KIF26B: variants seen among roughly 807,000 people sequenced by gnomAD.
KIF26B encodes the protein kinesin family member 26B.
Under a neutral mutation model 151.2 loss-of-function variants are expected in KIF26B, and 63 were observed. The observed-to-expected ratio is 0.42, with a 90% CI of 0.34 to 0.51. KIF26B has a LOEUF of 0.51. Ranked by LOEUF, KIF26B falls within the 20% of genes least tolerant of loss-of-function variation. The pLI is 0.07. For synonymous variants in KIF26B, 1,357 were observed against 1,262.1 expected (o/e 1.08, Z -1.59); for missense variants, 2,813 against 2,913.6 (o/e 0.97, Z 0.79).
chr1:245,327,959 T>C (rs1412808096), intron 2 of KIF26B, among the ~76,000 whole-genome samples: 4 of 152,144 alleles, frequency 2.6e-5, no homozygotes, highest in Admixed American at 1.3e-4. Context: ...GTCTTTATCC[T>C]AGACATGCCA....
At chr1:245,436,176 C>CA (rs1190717376) in intron 4 of KIF26B, among the ~76,000 whole-genome samples, 4,305 of 107,358 alleles carry the variant, frequency 0.04, 188 homozygotes, top group African/African-American at 0.13. Context: ...GACTCTGTCT[C>CA]AAAAAAAAAA....
At chr1:245,525,385 T>C (rs935475533) in intron 4 of KIF26B, among the ~76,000 whole-genome samples, 39 of 152,222 alleles carry the variant, frequency 2.6e-4, no homozygotes, top group African/African-American at 8.7e-4. Flanking sequence ...ACTCAGTGTT[T>C]GTTGTTATTA....
intron 2 of KIF26B, among the ~76,000 whole-genome samples, chr1:245,177,667 T>G (rs991657122): frequency 3.0e-4 from 17 of 56,198 alleles, no homozygotes; most frequent in Admixed American, 5.9e-4. Flanking sequence ...TCCTTAGGGG[T>G]GTGTGTGTGT....
intron 9 of KIF26B, among the ~76,000 whole-genome samples, chr1:245,640,329 T>C (rs1214566423): frequency 3.3e-5 from 5 of 151,500 alleles, no homozygotes; most frequent in Admixed American, 6.6e-5. Context: ...TTGGTTTCCA[T>C]TTGTATGGAA....
intron 4 of KIF26B, among the ~76,000 whole-genome samples, chr1:245,463,913 C>T (rs1299706092): frequency 3.3e-5 from 5 of 152,160 alleles, no homozygotes; most frequent in Admixed American, 1.3e-4. Flanking sequence ...CTAAGGCTTC[C>T]CCGTAATGAT....
At chr1:245,165,023 A>G (rs1442598085) in intron 2 of KIF26B, among the ~76,000 whole-genome samples, 1 of 151,984 alleles carries the variant, frequency 6.6e-6, no homozygotes, top group Non-Finnish European at 1.5e-5. Context: ...GTGAGCCAAG[A>G]TGATGCCACT....
rs184616533 is a variant in KIF26B, at chr1:245,619,563, G to A, written c.2098+7587G>A. Reference sequence around the variant, plus strand: ...CAGGGTTGCAGTGAGCCGAGATGGCGCCACTGCACTCCAGCCTGGGCAATA... The same window carrying A: ...CAGGGTTGCAGTGAGCCGAGATGGCACCACTGCACTCCAGCCTGGGCAATA... On this transcript the variant is annotated intron_variant, in intron 9 of 14. Coordinates refer to ENST00000407071, the MANE Select transcript of KIF26B (RefSeq NM_018012.4). 2.7e-3 allele frequency among the ~76,000 whole-genome samples: 388 copies of A among 141,856 alleles called. 1 individual carries two copies. Among genetic ancestry groups the A allele is most frequent in the African/African-American group, 9.3e-3 (351 of 37,828 alleles). The allele number at this position is 141,856 out of a possible 152,430, so 93.1% of individuals were successfully genotyped here. A position where few individuals can be genotyped will look rare whatever the true frequency, so the allele number is the denominator to read the frequency against.
At position 245,686,157 on chromosome 1, in the gene KIF26B, C is replaced by T. The variant is rs1395405446; in HGVS notation, c.3174C>T (p.Gly1058=). The T allele has an allele frequency of 6.2e-7, 1 of 1,612,492 alleles. No individual in the cohort carries two copies. The highest frequency in any genetic ancestry group is 8.5e-7 in the Non-Finnish European group (1 of 1,179,826). The change falls in exon 12 of 15, where the codon GGC becomes GGT. Residue 1058 remains glycine, a synonymous_variant. Transcript: ENST00000407071. The surrounding 1 kb of genome is among the most constrained non-coding windows in gnomAD (Gnocchi z 5.6). ...ESLNSCGFVE[G]KPRPMGSPRL... ...TCAACTCCTGCGGCTTCGTGGAAGG[C>T]AAGCCCAGGCCCATGGGCTCCCCCC...
chr1:245,383,035 A>G (rs1323188110), intron 3 of KIF26B, among the ~76,000 whole-genome samples: 2 of 142,288 alleles, frequency 1.4e-5, no homozygotes, highest in East Asian at 2.2e-4. Context: ...ATATATATGT[A>G]TATGTATATA....
chr1:245,305,336 A>C (rs1219304430), intron 2 of KIF26B, among the ~76,000 whole-genome samples: 1 of 152,212 alleles, frequency 6.6e-6, no homozygotes, highest in African/African-American at 2.4e-5. Flanking sequence ...AATTTTTGCA[A>C]ATCACATATT....
chr1:245,678,573 A>AT (rs1482200509), intron 10 of KIF26B, among the ~76,000 whole-genome samples: 1 of 152,152 alleles, frequency 6.6e-6, no homozygotes, highest in Non-Finnish European at 1.5e-5. Context: ...TGTAAAAAAA[A>AT]GCAAGACAGG....
chr1:245,178,252 G>A (rs1004075930), intron 2 of KIF26B, among the ~76,000 whole-genome samples: 1 of 152,182 alleles, frequency 6.6e-6, no homozygotes, highest in Non-Finnish European at 1.5e-5. Context: ...GAGTTCTAGA[G>A]CTTTCAAGCA....
At chr1:245,189,283 T>C (rs113916517) in intron 2 of KIF26B, among the ~76,000 whole-genome samples, 6 of 152,348 alleles carry the variant, frequency 3.9e-5, no homozygotes, top group African/African-American at 9.6e-5. Flanking sequence ...AAATATGATA[T>C]AATAAATCTC....
chr1:245,205,419 T>C (rs560733383), intron 2 of KIF26B, among the ~76,000 whole-genome samples: 154 of 152,326 alleles, frequency 1.0e-3, no homozygotes, highest in Non-Finnish European at 1.6e-3. Context: ...TACTGCCTTA[T>C]TGAATCTTAT....
rs1038410676 is a variant in KIF26B, at chr1:245,204,570, C to T, written c.465+47887C>T. On this transcript the variant is annotated intron_variant, in intron 2 of 14. Transcript: ENST00000407071. ...TGTATTTTTAGTAGAGGCGGGGTTT[C>T]GCCATGTTGGCCAGGCTGGTCTCGA... Among the ~76,000 whole-genome samples the T allele has an allele frequency of 9.9e-5, 15 of 152,040 alleles. No individual in the cohort carries two copies. The East Asian group carries it at 1.6e-3, about 16-fold the overall frequency.
intron 4 of KIF26B, among the ~76,000 whole-genome samples, chr1:245,508,165 G>A (rs1040128757): frequency 5.3e-5 from 8 of 152,194 alleles, no homozygotes; most frequent in African/African-American, 1.9e-4. Context: ...GTTTCCCCAA[G>A]GATGTTCTAG....
At chr1:245,585,740 T>A (rs928340794) in intron 5 of KIF26B, among the ~76,000 whole-genome samples, 3 of 152,212 alleles carry the variant, frequency 2.0e-5, no homozygotes, top group African/African-American at 7.2e-5. Context: ...GTTTCCTAGG[T>A]AAAGGAGACT....
chr1:245,484,766 C>A (rs371073819), intron 4 of KIF26B, among the ~76,000 whole-genome samples: 90 of 123,284 alleles, frequency 7.3e-4, no homozygotes, highest in East Asian at 1.2e-3. Context: ...TCTTCTTCTT[C>A]ATATTATTAT....
intron 2 of KIF26B, among the ~76,000 whole-genome samples, chr1:245,207,237 A>G (rs999348543): frequency 2.0e-5 from 3 of 152,222 alleles, no homozygotes; most frequent in Non-Finnish European, 2.9e-5. Context: ...TCAGCAAGGC[A>G]AATTTACTTC....
Sources: gnomAD v4.1 joint callset for allele counts (sites outside exome capture counted in the v4.1 genomes callset) on GRCh38, gnomAD v4.1.1 for gene constraint, Gnocchi (gnomAD v3.1) non-coding constraint, MANE v1.5 for transcripts, NCBI Gene and HGNC (gene_info 2026-07-23, HGNC 2026-07-21) for gene names.